Variants in DIP2C observed in about 807,000 individuals in gnomAD.
The protein encoded by DIP2C is DIP2 acetate--CoA ligase C (putative).
In DIP2C, 33 loss-of-function variants were observed where a neutral mutation model predicts 192.4. The ratio of observed to expected loss-of-function variants is 0.17; its 90% confidence interval spans 0.13 to 0.23. The LOEUF is 0.23. Ranked by LOEUF, DIP2C falls within the 10% of genes least tolerant of loss-of-function variation. DIP2C has a pLI of 1.00. For synonymous variants in DIP2C, 979 were observed against 864.1 expected, an observed-to-expected ratio of 1.13 and a Z score of -2.33; for missense variants, 1,537 against 2,110.1, an observed-to-expected ratio of 0.73 and a Z score of 5.32.
intron 10 of DIP2C, among the ~76,000 whole-genome samples, chr10:391,140 G>A (rs139761341): frequency 2.0e-3 from 306 of 152,342 alleles, no homozygotes; most frequent in African/African-American, 6.2e-3. Context: ...GCAGGCTGGC[G>A]TTCAGCGGGT....
chr10:463,627 A>T (rs563202816), intron 3 of DIP2C, among the ~76,000 whole-genome samples: 3 of 152,338 alleles, frequency 2.0e-5, no homozygotes, highest in African/African-American at 7.2e-5. Flanking sequence ...TCTTCACAGA[A>T]TTGGAAAAAA....
In DIP2C at chr10:460,745, C is replaced by A. The variant is rs570019308; in HGVS notation, c.268+11694G>T. Among the ~76,000 whole-genome samples the A allele has an allele frequency of 3.3e-5, 5 of 152,200 alleles. No homozygotes were observed. The South Asian group carries it at 1.0e-3, about 32-fold the overall frequency. On this transcript the variant is annotated intron_variant, in intron 3 of 36. Transcript: ENST00000280886. ...CCTTGAGAAAAGCAACCCCAAGACA[C>A]ATAATTGTCAGATTCACCAAGATTA...
At position 390,763 on chromosome 10, in the gene DIP2C, G is replaced by A. The variant is rs746366607; in HGVS notation, c.1361C>T (p.Thr454Met). The change falls in exon 11 of 37, where the codon ACG becomes ATG. Residue 454 changes from threonine (T) to methionine (M), a missense_variant. By Grantham distance (81) the Thr-to-Met change is moderately conservative (BLOSUM62 -1). Around this residue, in one of 4 missense-constraint regions of DIP2C, gnomAD observed 677 missense variants for 989.9 expected, o/e 0.68. Transcript: ENST00000280886. ...ACCTTTAAACTGTGGGATCTCTCCC[G>A]TTGGGCTTTTTGGAAGTCCTTTATG... Reference protein sequence around the residue: ...ACHKGLPKSPTGEIPQFKGWP... With the variant: ...ACHKGLPKSPMGEIPQFKGWP... 5.0e-6 allele frequency: 8 copies of A among 1,614,130 alleles called. No individual in the cohort carries two copies. Among genetic ancestry groups the A allele is most frequent in the Middle Eastern group, 1.6e-4 (1 of 6,062 alleles).
At position 326,996 on chromosome 10, in the gene DIP2C, C is replaced by T. The variant is rs368038137; in HGVS notation, c.3924+10G>A. The T allele has an allele frequency of 5.8e-5, 94 of 1,607,542 alleles. No individual in the cohort carries two copies. Among genetic ancestry groups the T allele is most frequent in the South Asian group, 1.8e-4 (16 of 89,682 alleles). ...TTCCCACTCAGCACTGTGATGTCGC[C>T]GAATCTCACCTGCAAGCAAATCGCC... On this transcript the variant is annotated intron_variant, in intron 31 of 36. Transcript: ENST00000280886.
chr10:285,164 A>AC (rs1955036458), intron 34 of DIP2C, among the ~76,000 whole-genome samples: 1 of 151,788 alleles, frequency 6.6e-6, no homozygotes, highest in African/African-American at 2.4e-5. Context: ...AAAAAAAAAA[A>AC]AAAAAAACAC....
intron 8 of DIP2C, among the ~76,000 whole-genome samples, chr10:409,516 G>A (rs573066213): frequency 1.6e-4 from 24 of 152,338 alleles, no homozygotes; most frequent in African/African-American, 5.3e-4. Flanking sequence ...GAACAAGGCC[G>A]GCACAAAACA....
intron 1 of DIP2C, among the ~76,000 whole-genome samples, chr10:685,107 C>T (rs1388523013): frequency 7.9e-6 from 1 of 127,178 alleles, no homozygotes; most frequent in African/African-American, 3.1e-5. Context: ...GCACCCCAGC[C>T]TGGGCAACAA....
intron 17 of DIP2C, among the ~76,000 whole-genome samples, chr10:375,485 C>T (rs1174873631): frequency 6.6e-6 from 1 of 152,194 alleles, no homozygotes; most frequent in Non-Finnish European, 1.5e-5. Context: ...AATGCAAACA[C>T]ACCAACAAAA....
At chr10:368,785 TCAG>T (rs941136061) in intron 18 of DIP2C, among the ~76,000 whole-genome samples, 2 of 152,186 alleles carry the variant, frequency 1.3e-5, no homozygotes, top group Admixed American at 6.5e-5. Context: ...CCTGGAGGGC[TCAG>T]CAGGAGACAC....
chr10:592,324 A>G (rs557394117), intron 1 of DIP2C, among the ~76,000 whole-genome samples: 2 of 152,346 alleles, frequency 1.3e-5, no homozygotes, highest in Admixed American at 1.3e-4. Flanking sequence ...CCTCCGTAGC[A>G]GCGGATGTTA....
intron 2 of DIP2C, among the ~76,000 whole-genome samples, chr10:474,141 A>C (rs1407405545): frequency 2.6e-5 from 4 of 152,218 alleles, no homozygotes; most frequent in African/African-American, 9.6e-5. Flanking sequence ...TTAGGAAATC[A>C]AAGAGTATTA....
At chr10:487,567 GTTTTTTTTTTTTTTTT>G (rs71376836) in intron 1 of DIP2C, among the ~76,000 whole-genome samples, 1 of 54,162 alleles carries the variant, frequency 1.8e-5, no homozygotes, top group Non-Finnish European at 3.1e-5. Context: ...ATCAATGAGT[GTTTTTTTTTTTTTTTT>G]TTTTTTTTTT....
chr10:531,414 T>C (rs1268101612), intron 1 of DIP2C, among the ~76,000 whole-genome samples: 1 of 151,986 alleles, frequency 6.6e-6, no homozygotes, highest in Non-Finnish European at 1.5e-5. Context: ...CAAAGTAGAC[T>C]GTTACTCTGA....
rs1313026249 is a variant in DIP2C, at chr10:422,706, AGAG to A, written c.604+115_604+117del. ...ATCCAGCCAAAGCACCCCAGGGGCC[AGAG>A]GAGCTCTGTGCTCTTTCCACCGAGG... On this transcript the variant is annotated intron_variant, in intron 5 of 36. Coordinates refer to ENST00000280886, the MANE Select transcript of DIP2C (RefSeq NM_014974.3). 2.9e-5 allele frequency: 36 copies of A among 1,255,412 alleles called. No homozygotes were observed. The East Asian group carries it at 7.8e-4, about 27-fold the overall frequency. 77.8% of individuals were successfully genotyped at this position (1,255,412 alleles called of 1,614,324 possible). A position where few individuals can be genotyped will look rare whatever the true frequency, so the allele number is the denominator to read the frequency against.
intron 1 of DIP2C, among the ~76,000 whole-genome samples, chr10:627,519 C>A (rs1407467024): frequency 6.6e-6 from 1 of 152,246 alleles, no homozygotes; most frequent in African/African-American, 2.4e-5. Flanking sequence ...GATGTCCACC[C>A]AGGGCAGACA....
chr10:443,989 CT>C (rs1589808208), intron 3 of DIP2C, among the ~76,000 whole-genome samples: 1 of 152,216 alleles, frequency 6.6e-6, no homozygotes, highest in South Asian at 2.1e-4. Flanking sequence ...CTGATCAAAT[CT>C]TTTGCCTCAA....
At chr10:340,911 A>C in intron 29 of DIP2C, 1 of 510,136 alleles carries the variant, frequency 2.0e-6, no homozygotes, top group Non-Finnish European at 3.8e-6. Context: ...AGGCATAAGA[A>C]CCAAGCCTGG....
chr10:279,739 G>A (rs1482771213), intron 36 of DIP2C, among the ~76,000 whole-genome samples: 1 of 152,208 alleles, frequency 6.6e-6, no homozygotes, highest in African/African-American at 2.4e-5. Context: ...AAAGGACACT[G>A]TGTGGGCAAG....
intron 1 of DIP2C, among the ~76,000 whole-genome samples, chr10:657,916 G>A (rs1856485853): frequency 6.6e-6 from 1 of 151,838 alleles, no homozygotes; most frequent in Non-Finnish European, 1.5e-5. Flanking sequence ...CCTGCCACTG[G>A]ACCTGTCCCT....
Sources: gnomAD v4.1 joint callset for allele counts (sites outside exome capture counted in the v4.1 genomes callset) on GRCh38, gnomAD v4.1.1 for gene constraint, gnomAD v4.1.1 regional missense constraint, MANE v1.5 for transcripts, NCBI Gene and HGNC (gene_info 2026-07-23, HGNC 2026-07-21) for gene names.